AGTRAP: variants seen among roughly 807,000 people sequenced by gnomAD.
AGTRAP encodes the protein type-1 angiotensin II receptor-associated protein.
Under a neutral mutation model 15.2 loss-of-function variants are expected in AGTRAP, and 7 were observed. The observed-to-expected ratio is 0.46, with a 90% confidence interval of 0.26 to 0.87. The LOEUF is 0.87. AGTRAP is among the 40% of genes least tolerant of loss of function. The pLI, the probability that AGTRAP is intolerant of heterozygous loss-of-function variation, is 0.15. For synonymous variants in AGTRAP, 74 were observed against 89.6 expected (o/e 0.83, Z 0.98); for missense variants, 187 against 213.4 (o/e 0.88, Z 0.77).
Position 11,750,527 on chromosome 1 carries a change from C to T in AGTRAP, c.*335C>T, listed in dbSNP as rs1419830671. The T allele has an allele frequency of 7.2e-6, 4 of 558,158 alleles. No individual in the cohort carries two copies. Among genetic ancestry groups the T allele is most frequent in the South Asian group, 4.7e-5 (2 of 42,966 alleles). 34.6% of individuals were successfully genotyped at this position (558,158 alleles called of 1,614,324 possible). On this transcript the variant is annotated 3_prime_UTR_variant, in exon 5 of 5. Transcript: ENST00000314340. ...TGCAAGCTCAGGCCTTTAAGGACTG[C>T]TGATGCCCCCTCAGGCCTCCCCCAA... is the stretch of plus-strand genomic sequence containing the variant.
At chr1:11,743,569 C>T (rs12731164) in intron 1 of AGTRAP, among the ~76,000 whole-genome samples, 46,785 of 139,128 alleles carry the variant, frequency 0.34, 8,207 homozygotes, top group East Asian at 0.56. Flanking sequence ...TCTTTCTTTC[C>T]TTTTTTTTTT....
At position 11,744,940 on chromosome 1, in the gene AGTRAP, C is replaced by T. The variant is rs1436942330; in HGVS notation, c.28-863C>T. The stretch of plus-strand genomic sequence containing the variant: ...CACAATCTCGGCTCCCTGCAACCTC[C>T]ACCTCCCAGGTTCAAGCAATTCTCC... On this transcript the variant is annotated intron_variant, in intron 1 of 4. Transcript: ENST00000314340. Among the ~76,000 whole-genome samples, 5 of 150,230 alleles carry T rather than the reference C, an allele frequency of 3.3e-5. No individual in the cohort carries two copies. The South Asian group carries it at 8.4e-4, about 25-fold the overall frequency.
chr1:11,736,836 C>T (rs1374605447), intron 1 of AGTRAP, among the ~76,000 whole-genome samples: 1 of 152,168 alleles, frequency 6.6e-6, no homozygotes, highest in African/African-American at 2.4e-5. Flanking sequence ...TGCAGGGCTT[C>T]CTGTGGTGTC....
rs577809639 is a variant in AGTRAP at position 11,748,009 on chromosome 1, G to A, written c.169-406G>A. Among the ~76,000 whole-genome samples, 8 of 152,280 alleles carry A rather than the reference G, an allele frequency of 5.3e-5. No individual in the cohort carries two copies. In the South Asian group the frequency reaches 1.5e-3, roughly 28 times the overall value. On this transcript the variant is annotated intron_variant, in intron 3 of 4. Transcript: ENST00000314340. ...CTCAGCACCCACGGAGCCCCGTGGG[G>A]CAGTGAGCACTCCCGCACGGGCTCT...
rs756955279 is a variant in AGTRAP at position 11,750,116 on chromosome 1, C to T, written c.404C>T (p.Thr135Met). ...TCTCAGGACCGTAGTGCCTACCAGA[C>T]GATTGACTCAGCAGAGGCGCCCGCA... Reference protein sequence around the residue: ...GSSQDRSAYQTIDSAEAPADP... With the variant: ...GSSQDRSAYQMIDSAEAPADP... Residue 135 changes from threonine to methionine, a missense_variant, in exon 5 of 5, where the codon ACG becomes ATG. Transcript: ENST00000314340. The T allele has an allele frequency of 8.7e-6, 14 of 1,613,958 alleles. No individual in the cohort carries two copies. Among genetic ancestry groups the T allele is most frequent in the East Asian group, 4.5e-5 (2 of 44,884 alleles).
rs1642148629 is a variant in AGTRAP, at chr1:11,745,848, CTG to C, written c.62+14_62+15del. On this transcript the variant is annotated intron_variant, in intron 2 of 4. Transcript: ENST00000314340. The surrounding 1 kb of genome is among the most constrained non-coding windows in gnomAD (Gnocchi z 4.2). ...GCTGCTGACAACCTGGTAAGTGACT[CTG>C]TGGGTATCTTGTGTGTCTCCTGCGG... The C allele has an allele frequency of 6.2e-7, 1 of 1,613,640 alleles. No homozygotes were observed. The highest frequency in any genetic ancestry group is 8.5e-7 in the Non-Finnish European group (1 of 1,179,992).
intron 1 of AGTRAP, among the ~76,000 whole-genome samples, chr1:11,743,800 A>G (rs1642094573): frequency 6.6e-6 from 1 of 151,752 alleles, no homozygotes; most frequent in Non-Finnish European, 1.5e-5. Context: ...TCCCGACCTC[A>G]GGTGATCTGC....
At position 11,750,631 on chromosome 1, in the gene AGTRAP, C is replaced by T; in HGVS notation, c.*439C>T. On this transcript the variant is annotated 3_prime_UTR_variant, in exon 5 of 5. Transcript: ENST00000314340. ...GGAGCAGTCTGGCATGGGAGTGAGG[C>T]CCCGTCCTTCTCACTGCCTGGTCAC... The T allele has an allele frequency of 5.5e-6, 2 of 365,832 alleles. No homozygotes were observed. The highest frequency in any genetic ancestry group is 4.3e-5 in the Admixed American group (1 of 23,126). The allele number at this position is 365,832 out of a possible 1,614,324, so 22.7% of individuals were successfully genotyped here.
At chr1:11,746,219 C>G (rs1176415019) in intron 2 of AGTRAP, 2 of 1,607,134 alleles carry the variant, frequency 1.2e-6, no homozygotes, top group Non-Finnish European at 1.7e-6. Flanking sequence ...CACAGGGCAA[C>G]AGCTGTGAGT....
At chr1:11,747,671 T>C in intron 3 of AGTRAP, 126 bp downstream of exon 3, 1 of 997,774 alleles carries the variant, frequency 1.0e-6, no homozygotes, top group South Asian at 1.4e-5. Flanking sequence ...CTTCCCATTG[T>C]CTAAAGCCTG....
chr1:11,747,593 G>T, intron 3 of AGTRAP, 48 bp downstream of exon 3: 1 of 1,581,056 alleles, frequency 6.3e-7, no homozygotes. Context: ...CCGCAGCACA[G>T]GGCAAGACAT....
intron 4 of AGTRAP, among the ~76,000 whole-genome samples, chr1:11,749,627 G>A (rs1290606349): frequency 6.6e-6 from 1 of 152,226 alleles, no homozygotes; most frequent in Non-Finnish European, 1.5e-5. Context: ...GTAATGTGGT[G>A]TCCTTGTACC....
chr1:11,749,985 G>A, intron 4 of AGTRAP, 92 bp from the exon 5 acceptor site: 1 of 955,572 alleles, frequency 1.0e-6, no homozygotes, highest in Non-Finnish European at 1.6e-6. Context: ...CCAGCCCGAG[G>A]GTGGCGGGGG....
rs1358512857 is a variant in AGTRAP at position 11,750,753 on chromosome 1, G to C, written c.*561G>C. 1.1e-5 allele frequency: 2 copies of C among 174,680 alleles called. No homozygotes were observed. Among genetic ancestry groups the C allele is most frequent in the African/African-American group, 4.8e-5 (2 of 42,036 alleles). 10.8% of individuals were successfully genotyped at this position (174,680 alleles called of 1,614,324 possible). A position where few individuals can be genotyped will look rare whatever the true frequency, so the allele number is the denominator to read the frequency against. ...TCCCTTTTCAGAGCACAGCATTAAA[G>C]TTTGGGGAATTCTGTAGATGGGCTG... On this transcript the variant is annotated 3_prime_UTR_variant, in exon 5 of 5. Coordinates refer to ENST00000314340, the MANE Select transcript of AGTRAP (RefSeq NM_020350.5).
rs547702506 is a variant in AGTRAP at position 11,745,236 on chromosome 1, A to G, written c.28-567A>G. Among the ~76,000 whole-genome samples the G allele has an allele frequency of 3.9e-5, 6 of 152,312 alleles. No individual in the cohort carries two copies. In the East Asian group the frequency reaches 1.2e-3, roughly 29 times the overall value. ...TTCATGCCTCCCCTTTTTAGACAATATAGGGTAACTTTCTGACGTTGCCAT... is the reference window on the plus strand; with the variant it reads ...TTCATGCCTCCCCTTTTTAGACAATGTAGGGTAACTTTCTGACGTTGCCAT... On this transcript the variant is annotated intron_variant, in intron 1 of 4. Transcript: ENST00000314340. The surrounding 1 kb of genome is among the most constrained non-coding windows in gnomAD (Gnocchi z 4.2).
chr1:11,743,446 A>C (rs533546653), intron 1 of AGTRAP, among the ~76,000 whole-genome samples: 19 of 151,658 alleles, frequency 1.3e-4, no homozygotes, highest in Admixed American at 7.2e-4. Context: ...GGGTTTCGCC[A>C]TGTTAGCCAG....
intron 3 of AGTRAP, among the ~76,000 whole-genome samples, chr1:11,747,908 C>T (rs149234312): frequency 6.6e-5 from 10 of 152,298 alleles, no homozygotes; most frequent in African/African-American, 2.4e-4. Flanking sequence ...CTGGGAGACC[C>T]GGCCAAGAGG....
intron 1 of AGTRAP, chr1:11,744,522 G>A: frequency 1.4e-6 from 1 of 714,676 alleles, no homozygotes; most frequent in Non-Finnish European, 2.6e-6. Flanking sequence ...TTTCCCCTCT[G>A]CCCCCCACAG....
rs570994766 is a variant in AGTRAP, at chr1:11,747,372, C to T, written c.63-68C>T. The T allele has an allele frequency of 8.5e-5, 123 of 1,440,146 alleles. 2 individuals are homozygous for T. In the South Asian group the frequency reaches 8.7e-4, roughly 10 times the overall value. The allele number at this position is 1,440,146 out of a possible 1,614,324, so 89.2% of individuals were successfully genotyped here. Reference sequence around the variant, plus strand: ...GTTCTGGGAGGAGGCCCTGAGACGCCGGAGCAGGAGGGAGGTGACCTGCGG... The same window carrying T: ...GTTCTGGGAGGAGGCCCTGAGACGCTGGAGCAGGAGGGAGGTGACCTGCGG... On this transcript the variant is annotated intron_variant, in intron 2 of 4. Coordinates refer to ENST00000314340, the MANE Select transcript of AGTRAP (RefSeq NM_020350.5).
Sources: allele counts gnomAD v4.1 joint callset (sites outside exome capture counted in the v4.1 genomes callset), GRCh38; gene constraint gnomAD v4.1.1; non-coding constraint Gnocchi (gnomAD v3.1); transcripts MANE v1.5; gene names NCBI Gene and HGNC (gene_info 2026-07-23, HGNC 2026-07-21).